CCSER2: variants seen among roughly 807,000 people sequenced by gnomAD.
CCSER2 encodes the protein coiled-coil serine rich protein 2, also known as serine-rich coiled-coil domain-containing protein 2.
Under a neutral mutation model 92.3 loss-of-function variants are expected in CCSER2, and 46 were observed. That is an observed-to-expected ratio of 0.50 (90% CI 0.39 to 0.64). The LOEUF (loss-of-function observed/expected upper bound fraction) is 0.64, where lower values mean the gene tolerates loss of function less well. Ranked by LOEUF, CCSER2 falls within the 30% of genes least tolerant of loss-of-function variation. CCSER2 has a pLI of 0.00. For missense variants in CCSER2, 1,244 were observed against 1,238.9 expected (o/e 1.00, Z -0.06); for synonymous variants, 433 against 431.4 (o/e 1.00, Z -0.04).
At chr10:84,391,929 A>G in intron 3 of CCSER2, 1 of 1,346,576 alleles carries the variant, frequency 7.4e-7, no homozygotes, top group East Asian at 2.3e-5. Flanking sequence ...TCAGAGACAC[A>G]TTCGGTGTAA....
chr10:84,487,833 T>A (rs1330244589), intron 9 of CCSER2, among the ~76,000 whole-genome samples: 4 of 152,246 alleles, frequency 2.6e-5, no homozygotes, highest in African/African-American at 4.8e-5. Context: ...TCAAAGGGAA[T>A]GCTTCCAGTT....
At chr10:84,401,076 A>C (rs926363103) in intron 3 of CCSER2, among the ~76,000 whole-genome samples, 1 of 152,164 alleles carries the variant, frequency 6.6e-6, no homozygotes, top group Non-Finnish European at 1.5e-5. Flanking sequence ...CTTAGAAGGA[A>C]ATTTATAGTG....
At chr10:84,410,517 G>A (rs1842595687) in intron 3 of CCSER2, among the ~76,000 whole-genome samples, 1 of 152,118 alleles carries the variant, frequency 6.6e-6, no homozygotes, top group Non-Finnish European at 1.5e-5. Flanking sequence ...AATGATCATT[G>A]ATGTTGAGCT....
At chr10:84,339,932 C>T (rs1388177051) in intron 1 of CCSER2, among the ~76,000 whole-genome samples, 1 of 152,148 alleles carries the variant, frequency 6.6e-6, no homozygotes, top group East Asian at 1.9e-4. Context: ...GCCTCCGCCT[C>T]CCAGGTTCAA....
intron 9 of CCSER2, among the ~76,000 whole-genome samples, chr10:84,511,382 C>T (rs1849339349): frequency 6.6e-6 from 1 of 152,136 alleles, no homozygotes; most frequent in Non-Finnish European, 1.5e-5. Context: ...TGGCCCTTTC[C>T]TGGGCATTTC....
At chr10:84,461,959 T>C (rs1846126043) in intron 6 of CCSER2, among the ~76,000 whole-genome samples, 1 of 152,248 alleles carries the variant, frequency 6.6e-6, no homozygotes. Flanking sequence ...TGGTTGAGTT[T>C]AGGCTACAAG....
chr10:84,434,986 G>C (rs184639301), intron 5 of CCSER2, among the ~76,000 whole-genome samples: 28 of 152,252 alleles, frequency 1.8e-4, no homozygotes, highest in Non-Finnish European at 4.1e-4. Context: ...TTTATGCTGT[G>C]AAACAAATTA....
chr10:84,363,165 T>G (rs1390284085), intron 1 of CCSER2, among the ~76,000 whole-genome samples: 2 of 146,038 alleles, frequency 1.4e-5, no homozygotes, highest in Admixed American at 6.8e-5. Flanking sequence ...TTTTTTTTTT[T>G]GTATTTTTAG....
chr10:84,439,574 C>T (rs1388242136), intron 6 of CCSER2, among the ~76,000 whole-genome samples: 1 of 152,128 alleles, frequency 6.6e-6, no homozygotes, highest in East Asian at 1.9e-4. Context: ...TGAAATTTGG[C>T]TCCTGTGTTA....
intron 3 of CCSER2, among the ~76,000 whole-genome samples, chr10:84,401,588 C>T (rs1474435056): frequency 1.3e-5 from 2 of 152,086 alleles, no homozygotes; most frequent in Non-Finnish European, 2.9e-5. Flanking sequence ...TTTCACTGGC[C>T]AATTTTACCA....
chr10:84,448,702 A>G (rs899930282), intron 6 of CCSER2, among the ~76,000 whole-genome samples: 6 of 152,242 alleles, frequency 3.9e-5, no homozygotes, highest in Admixed American at 6.5e-5. Flanking sequence ...CCATTTCTGT[A>G]CTGATAAAGT....
chr10:84,448,859 T>C (rs547941448), intron 6 of CCSER2, among the ~76,000 whole-genome samples: 149 of 152,364 alleles, frequency 9.8e-4, no homozygotes, highest in African/African-American at 3.5e-3. Flanking sequence ...TGAATTTTTT[T>C]ACTCGCCTTA....
At chr10:84,506,119 C>T (rs1188909364) in intron 9 of CCSER2, among the ~76,000 whole-genome samples, 1 of 145,564 alleles carries the variant, frequency 6.9e-6, no homozygotes, top group Non-Finnish European at 1.5e-5. Context: ...TTACTTAAGT[C>T]CCTCTTAATC....
chr10:84,425,781 C>T lies in CCSER2; in HGVS notation c.1756C>T (p.Gln586Ter). The change falls in exon 5 of 10, where the codon CAG (glutamine) becomes TAG (stop). Residue 586 changes from glutamine to a stop codon, truncating the protein, a stop_gained. Transcript: ENST00000372088. LOFTEE classifies it high-confidence loss of function. ...TGACCGACCAGACAGAAATGTTCGG[C>T]AGCCTCAGGAAGGTTTTTGGAAAAG... Reference protein sequence around the residue: ...RFDRPDRNVRQPQEGFWKRPP... With the variant: ...RFDRPDRNVR 1 of 1,613,608 alleles carries T rather than the reference C, an allele frequency of 6.2e-7. No individual in the cohort carries two copies. The highest frequency in any genetic ancestry group is 8.5e-7 in the Non-Finnish European group (1 of 1,179,712).
At chr10:84,456,342 C>T (rs1427860710) in intron 6 of CCSER2, among the ~76,000 whole-genome samples, 1 of 151,972 alleles carries the variant, frequency 6.6e-6, no homozygotes, top group African/African-American at 2.4e-5. Flanking sequence ...AATATATAGC[C>T]TTTGAGTCTG....
At chr10:84,465,245 GT>G (rs1846330027) in intron 7 of CCSER2, among the ~76,000 whole-genome samples, 1 of 4,774 alleles carries the variant, frequency 2.1e-4, no homozygotes, top group Admixed American at 2.9e-3. Context: ...GAATTTGTGT[GT>G]GTGTGTGTGT....
At chr10:84,476,874 A>G (rs1206274355) in intron 8 of CCSER2, among the ~76,000 whole-genome samples, 3 of 152,156 alleles carry the variant, frequency 2.0e-5, no homozygotes, top group African/African-American at 7.2e-5. Context: ...GTGAACAGAA[A>G]TGGTCAGATG....
At chr10:84,366,294 C>T (rs2133142637) in intron 1 of CCSER2, among the ~76,000 whole-genome samples, 1 of 152,246 alleles carries the variant, frequency 6.6e-6, no homozygotes, top group African/African-American at 2.4e-5. Context: ...CAGTCAATCA[C>T]AGGTCCACAA....
chr10:84,352,842 T>A (rs112627460), intron 1 of CCSER2, among the ~76,000 whole-genome samples: 289 of 152,050 alleles, frequency 1.9e-3, no homozygotes, highest in African/African-American at 6.3e-3. Flanking sequence ...CCAGGCTGGA[T>A]TGCAGTGGTA....
Sources: gnomAD v4.1 joint callset for allele counts (sites outside exome capture counted in the v4.1 genomes callset) on GRCh38, gnomAD v4.1.1 for gene constraint, MANE v1.5 for transcripts, NCBI Gene and HGNC (gene_info 2026-07-23, HGNC 2026-07-21) for gene names.